The following ARL15 variants were observed in gnomAD, a reference collection of about 807,000 sequenced individuals.
The protein encoded by ARL15 is ARF like GTPase 15.
ARL15 carries 19 observed loss-of-function variants against 25.2 expected under a neutral mutation model. The observed-to-expected ratio is 0.75, with a 90% CI of 0.53 to 1.10. The LOEUF (loss-of-function observed/expected upper bound fraction) is 1.10. Ranked by LOEUF, ARL15 falls within the 50% of genes least tolerant of loss-of-function variation. ARL15 has a pLI of 0.00. For synonymous variants in ARL15, 94 were observed against 86.8 expected, an observed-to-expected ratio of 1.08 and a Z score of -0.46; for missense variants, 220 against 246.0, an observed-to-expected ratio of 0.89 and a Z score of 0.71.
At chr5:54,108,628 A>T (rs1043234924) in intron 4 of ARL15, among the ~76,000 whole-genome samples, 7 of 152,140 alleles carry the variant, frequency 4.6e-5, no homozygotes, top group African/African-American at 4.8e-5. Flanking sequence ...TCAGTACTTC[A>T]TAAAGCTACC....
intron 4 of ARL15, among the ~76,000 whole-genome samples, chr5:54,050,175 C>T (rs1358902743): frequency 6.6e-6 from 1 of 152,172 alleles, no homozygotes; most frequent in Admixed American, 6.5e-5. Context: ...TTTCTTCTGC[C>T]TTAAGGCTGT....
intron 1 of ARL15, among the ~76,000 whole-genome samples, chr5:54,237,120 T>C (rs942382781): frequency 3.3e-5 from 5 of 152,214 alleles, no homozygotes; most frequent in African/African-American, 1.2e-4. Flanking sequence ...TGGGAGGTAA[T>C]TGAATCATGG....
chr5:54,127,040 C>T (rs1037921787), intron 3 of ARL15, among the ~76,000 whole-genome samples: 3 of 152,074 alleles, frequency 2.0e-5, no homozygotes, highest in Admixed American at 6.5e-5. Context: ...GTGATGTTCC[C>T]CTTCCTGTGT....
chr5:54,147,110 A>G (rs1753934173), intron 3 of ARL15, among the ~76,000 whole-genome samples: 1 of 152,162 alleles, frequency 6.6e-6, no homozygotes, highest in Non-Finnish European at 1.5e-5. Flanking sequence ...CTTTATACCA[A>G]TATCATTTCC....
At chr5:53,899,259 A>G (rs1744975545) in intron 4 of ARL15, among the ~76,000 whole-genome samples, 1 of 148,558 alleles carries the variant, frequency 6.7e-6, no homozygotes, top group Non-Finnish European at 1.5e-5. Context: ...GGGGCAGGAG[A>G]ATCGCTTGAA....
At chr5:54,086,896 G>A (rs1751978534) in intron 4 of ARL15, among the ~76,000 whole-genome samples, 1 of 152,142 alleles carries the variant, frequency 6.6e-6, no homozygotes. Context: ...AAGCCACATG[G>A]GAGAGACGAG....
intron 4 of ARL15, among the ~76,000 whole-genome samples, chr5:53,989,993 G>C (rs1401963327): frequency 6.6e-6 from 1 of 152,100 alleles, no homozygotes; most frequent in Admixed American, 6.6e-5. Flanking sequence ...CAGCGCTTTG[G>C]GAGGCTGAGG....
intron 1 of ARL15, among the ~76,000 whole-genome samples, chr5:54,228,486 A>AGC (rs1756582931): frequency 7.0e-6 from 1 of 143,000 alleles, no homozygotes; most frequent in Non-Finnish European, 1.5e-5. Context: ...ACGAGGACTG[A>AGC]CCCCCCCACC....
Position 54,125,611 on chromosome 5 carries a change from G to A in ARL15, c.254-12201C>T, listed in dbSNP as rs565139085. 7.2e-5 allele frequency among the ~76,000 whole-genome samples: 11 copies of A among 152,264 alleles called. No individual in the cohort carries two copies. The East Asian group carries it at 7.7e-4, about 11-fold the overall frequency. On this transcript the variant is annotated intron_variant, in intron 3 of 4. Transcript: ENST00000504924. ...GTTGCTTCCATCTTTTGGTTATTGCGAATAGAGTGGCCATGAATATTGGTG... is the reference window on the plus strand; with the variant it reads ...GTTGCTTCCATCTTTTGGTTATTGCAAATAGAGTGGCCATGAATATTGGTG...
chr5:54,283,471 T>C (rs564687393), intron 1 of ARL15, among the ~76,000 whole-genome samples: 41 of 152,324 alleles, frequency 2.7e-4, no homozygotes, highest in African/African-American at 9.9e-4. Context: ...AACAAATGGC[T>C]GATAATTTCA....
intron 4 of ARL15, among the ~76,000 whole-genome samples, chr5:53,957,841 A>T (rs933126899): frequency 7.9e-5 from 12 of 152,106 alleles, no homozygotes; most frequent in East Asian, 7.7e-4. Flanking sequence ...GAAAAATAGT[A>T]ATCAAACAGG....
At chr5:54,239,788 A>C (rs1216069729) in intron 1 of ARL15, among the ~76,000 whole-genome samples, 2 of 152,142 alleles carry the variant, frequency 1.3e-5, no homozygotes, top group Non-Finnish European at 2.9e-5. Flanking sequence ...CAGATGGTGA[A>C]GCAACGAGAT....
At chr5:53,956,232 A>T (rs555806710) in intron 4 of ARL15, among the ~76,000 whole-genome samples, 118 of 152,164 alleles carry the variant, frequency 7.8e-4, no homozygotes, top group African/African-American at 2.8e-3. Flanking sequence ...GAGACCACAT[A>T]TGATAAAGAA....
chr5:54,023,645 C>T (rs255750), intron 4 of ARL15, among the ~76,000 whole-genome samples: 108,028 of 151,872 alleles, frequency 0.71, 38,819 homozygotes, highest in East Asian at 0.84. Flanking sequence ...AAGCCTTAGG[C>T]CTCTCTGACC....
intron 1 of ARL15, among the ~76,000 whole-genome samples, chr5:54,174,338 C>T (rs1010790251): frequency 1.3e-5 from 2 of 152,180 alleles, no homozygotes; most frequent in African/African-American, 4.8e-5. Flanking sequence ...TTTCACTTCG[C>T]TTCAATGCCA....
intron 3 of ARL15, among the ~76,000 whole-genome samples, chr5:54,144,107 C>T (rs776484440): frequency 6.6e-6 from 1 of 151,886 alleles, no homozygotes; most frequent in East Asian, 1.9e-4. Flanking sequence ...AGAGAGAAAT[C>T]GTAATTAATA....
intron 3 of ARL15, among the ~76,000 whole-genome samples, chr5:54,151,667 A>G (rs1754072209): frequency 6.6e-6 from 1 of 152,132 alleles, no homozygotes; most frequent in African/African-American, 2.4e-5. Flanking sequence ...ATATATATTC[A>G]ACACATATAT....
chr5:54,182,520 G>T (rs1755090898), intron 1 of ARL15, among the ~76,000 whole-genome samples: 1 of 150,514 alleles, frequency 6.6e-6, no homozygotes, highest in African/African-American at 2.4e-5. Flanking sequence ...CTCTGTTTTG[G>T]TACCAGTACC....
rs533705562 is a variant in ARL15 at position 54,049,643 on chromosome 5, C to G, written c.462+63559G>C. 1.1e-4 allele frequency among the ~76,000 whole-genome samples: 17 copies of G among 152,240 alleles called. No individual in the cohort carries two copies. The South Asian group carries it at 3.5e-3, about 32-fold the overall frequency. On this transcript the variant is annotated intron_variant, in intron 4 of 4. Transcript: ENST00000504924. ...TGAGATAGGGTCTCACCCTGTCACCCAGGCTGGAGTGCAGTGACACAATCT... is the reference window on the plus strand; with the variant it reads ...TGAGATAGGGTCTCACCCTGTCACCGAGGCTGGAGTGCAGTGACACAATCT...
Sources: allele counts gnomAD v4.1 joint callset (sites outside exome capture counted in the v4.1 genomes callset), GRCh38; gene constraint gnomAD v4.1.1; transcripts MANE v1.5; gene names NCBI Gene and HGNC (gene_info 2026-07-23, HGNC 2026-07-21).